FFAR4: variants seen among roughly 807,000 people sequenced by gnomAD.
FFAR4 encodes free fatty acid receptor 4.
FFAR4 carries 19 observed loss-of-function variants against 27.0 expected under a neutral mutation model. The observed-to-expected ratio is 0.70, with a 90% CI of 0.49 to 1.03. FFAR4 has a LOEUF of 1.03. FFAR4 is among the 50% of genes least tolerant of loss of function. The probability of loss-of-function intolerance (pLI) is 0.00; values close to 1 mark genes in which losing one functional copy is unlikely to be tolerated. For missense variants in FFAR4, 476 were observed against 479.0 expected (o/e 0.99, Z 0.06); for synonymous variants, 254 against 215.6 (o/e 1.18, Z -1.56).
rs146379320 is a variant in FFAR4 at position 93,581,055 on chromosome 10, C to T, written c.696+4836C>T. ...TTTGTAACAGTGGATGTTTATTGAT[C>T]CCCCTCTCATTGCCCACATATGCAC... On this transcript the variant is annotated intron_variant, in intron 2 of 2. Transcript: ENST00000371481. Among the ~76,000 whole-genome samples the T allele has an allele frequency of 3.1e-3, 475 of 152,294 alleles. 3 individuals carry two copies. Among genetic ancestry groups the T allele is most frequent in the African/African-American group, 0.011 (451 of 41,554 alleles).
intron 1 of FFAR4, among the ~76,000 whole-genome samples, chr10:93,568,707 G>C (rs1351295174): frequency 1.3e-5 from 2 of 152,142 alleles, no homozygotes; most frequent in Non-Finnish European, 2.9e-5. Flanking sequence ...ATTGGGGGTA[G>C]GATGGATGGA....
chr10:93,577,542 G>A (rs1337438469), intron 2 of FFAR4, among the ~76,000 whole-genome samples: 1 of 152,222 alleles, frequency 6.6e-6, no homozygotes, highest in Admixed American at 6.5e-5. Context: ...TCAAGTGCAG[G>A]AGGCAGATTC....
chr10:93,566,749 G>T lies in FFAR4; in HGVS notation c.29G>T (p.Gly10Val). 1 of 1,602,742 alleles carries T rather than the reference G, an allele frequency of 6.2e-7. No homozygotes were observed. Among genetic ancestry groups the T allele is most frequent in the Non-Finnish European group, 8.5e-7 (1 of 1,177,378 alleles). MSPECARAA[G>V]DAPLRSLEQA... ...TCCCCTGAATGCGCGCGGGCAGCGG[G>T]CGACGCGCCCTTGCGCAGCCTGGAG... The change falls in exon 1 of 3, where the codon GGC becomes GTC. Residue 10 changes from glycine (G) to valine (V), a missense_variant. By Grantham distance (109) the Gly-to-Val change is moderately radical. Transcript: ENST00000371481.
At position 93,587,887 on chromosome 10, in the gene FFAR4, A is replaced by ATTGG; in HGVS notation, c.*278_*279insTTGG. ...GATCACCTGAGGTCAGGAGTTCGAG[A>ATTGG]CCAACCTGACCAACATGGTGAGACC... On this transcript the variant is annotated 3_prime_UTR_variant, in exon 3 of 3. Transcript: ENST00000371481. The ATTGG allele has an allele frequency of 3.5e-6, 1 of 287,462 alleles. No individual in the cohort carries two copies. Among genetic ancestry groups the ATTGG allele is most frequent in the Non-Finnish European group, 6.6e-6 (1 of 150,982 alleles). 17.8% of individuals were successfully genotyped at this position (287,462 alleles called of 1,614,324 possible).
At chr10:93,584,066 C>A (rs2058214185) in intron 2 of FFAR4, among the ~76,000 whole-genome samples, 2 of 152,160 alleles carry the variant, frequency 1.3e-5, no homozygotes, top group Admixed American at 1.3e-4. Context: ...TGCAGCCCAC[C>A]CACCTGACAC....
At chr10:93,584,788 C>A (rs1019322341) in intron 2 of FFAR4, among the ~76,000 whole-genome samples, 1 of 151,938 alleles carries the variant, frequency 6.6e-6, no homozygotes, top group Non-Finnish European at 1.5e-5. Context: ...CTCATTGCAA[C>A]CTCCACCTCC....
chr10:93,584,768 G>T (rs570869932), intron 2 of FFAR4, among the ~76,000 whole-genome samples: 1 of 151,800 alleles, frequency 6.6e-6, no homozygotes, highest in Non-Finnish European at 1.5e-5. Flanking sequence ...GTGCAGTGGC[G>T]CAATCTCGGC....
chr10:93,581,870 C>T (rs1315606827), intron 2 of FFAR4, among the ~76,000 whole-genome samples: 1 of 152,130 alleles, frequency 6.6e-6, no homozygotes, highest in Non-Finnish European at 1.5e-5. Flanking sequence ...CTGTGCCTCA[C>T]CGGAGAAGAC....
At chr10:93,567,375 G>A in intron 1 of FFAR4, 88 bp downstream of exon 1, 2 of 1,154,282 alleles carry the variant, frequency 1.7e-6, no homozygotes, top group Admixed American at 2.3e-5. Flanking sequence ...GGATGATCAA[G>A]AACAACAATA....
At chr10:93,574,744 A>C (rs929625260) in intron 1 of FFAR4, among the ~76,000 whole-genome samples, 1 of 151,916 alleles carries the variant, frequency 6.6e-6, no homozygotes, top group Admixed American at 6.6e-5. Context: ...AAAAAAAAAA[A>C]TTAGCTGGTC....
intron 2 of FFAR4, chr10:93,579,019 C>T (rs1444020915): frequency 1.4e-6 from 1 of 728,702 alleles, no homozygotes; most frequent in Non-Finnish European, 2.4e-6. Context: ...TTTCTCAAGG[C>T]CAGGGTCCAC....
intron 1 of FFAR4, among the ~76,000 whole-genome samples, chr10:93,575,146 T>C (rs572747848): frequency 6.6e-6 from 1 of 152,334 alleles, no homozygotes; most frequent in East Asian, 1.9e-4. Context: ...ATCAATAACG[T>C]GGTCTTTTTA....
At chr10:93,574,652 G>A (rs1343146704) in intron 1 of FFAR4, among the ~76,000 whole-genome samples, 2 of 152,028 alleles carry the variant, frequency 1.3e-5, no homozygotes, top group African/African-American at 2.4e-5. Context: ...ACTTTGTGAG[G>A]CCAAGGCGGG....
At chr10:93,575,765 C>G (rs967514685) in intron 1 of FFAR4, among the ~76,000 whole-genome samples, 2 of 152,154 alleles carry the variant, frequency 1.3e-5, no homozygotes, top group African/African-American at 2.4e-5. Flanking sequence ...AGAGAAGGCT[C>G]GAAAGCCCTT....
intron 2 of FFAR4, among the ~76,000 whole-genome samples, chr10:93,578,864 C>T (rs113755503): frequency 0.011 from 1,613 of 152,266 alleles, 30 homozygotes; most frequent in African/African-American, 0.034. Context: ...CTGGAAGGGG[C>T]GGCAGCATTT....
intron 2 of FFAR4, among the ~76,000 whole-genome samples, chr10:93,584,902 T>G (rs2134556442): frequency 6.6e-6 from 1 of 152,114 alleles, no homozygotes; most frequent in Non-Finnish European, 1.5e-5. Context: ...AGAGACAGGG[T>G]TTCACCATGT....
At chr10:93,579,005 T>A (rs2058183288) in intron 2 of FFAR4, among the ~76,000 whole-genome samples, 1 of 152,064 alleles carries the variant, frequency 6.6e-6, no homozygotes, top group South Asian at 2.1e-4. Flanking sequence ...CCCACCCCCA[T>A]CTTTTTCTCA....
chr10:93,571,953 C>T (rs991461376), intron 1 of FFAR4, among the ~76,000 whole-genome samples: 1 of 152,142 alleles, frequency 6.6e-6, no homozygotes, highest in Non-Finnish European at 1.5e-5. Context: ...TGCAAACAGG[C>T]AGTGTTTGCA....
chr10:93,578,947 C>T (rs575690720), intron 2 of FFAR4, among the ~76,000 whole-genome samples: 1 of 152,242 alleles, frequency 6.6e-6, no homozygotes, highest in South Asian at 2.1e-4. Flanking sequence ...CCTTTTCACT[C>T]GTACCTCACG....
Sources: allele counts gnomAD v4.1 joint callset (sites outside exome capture counted in the v4.1 genomes callset), GRCh38; gene constraint gnomAD v4.1.1; transcripts MANE v1.5; gene names NCBI Gene and HGNC (gene_info 2026-07-23, HGNC 2026-07-21).